PBX1: variants seen among roughly 807,000 people sequenced by gnomAD.
The protein encoded by PBX1 is PBX homeobox 1, also known as pre-B-cell leukemia transcription factor 1.
A neutral mutation model predicts 53.4 loss-of-function variants in PBX1; 6 were observed. The observed-to-expected ratio is 0.11, with a 90% CI of 0.06 to 0.22. The LOEUF is 0.22. PBX1 is among the 10% of genes least tolerant of loss of function. The pLI, the probability that PBX1 is intolerant of heterozygous loss-of-function variation, is 1.00. For missense variants in PBX1, 251 were observed against 551.4 expected (o/e 0.46, Z 5.46); for synonymous variants, 204 against 212.3 (o/e 0.96, Z 0.34).
intron 2 of PBX1, among the ~76,000 whole-genome samples, chr1:164,655,667 T>C (rs967589376): frequency 6.6e-6 from 1 of 152,220 alleles, no homozygotes; most frequent in Non-Finnish European, 1.5e-5. Context: ...TGTTTGCTGA[T>C]CTGGAACTTC....
rs544750035 is a variant in PBX1, at chr1:164,867,065, A to C, written n.258-32123A>C. ...AAAGAGTCCACAGTGGAGATTAGAAAATTTATTAGACAATGTGACACAGAG... is the reference window on the plus strand; with the variant it reads ...AAAGAGTCCACAGTGGAGATTAGAACATTTATTAGACAATGTGACACAGAG... On this transcript the variant is annotated intron_variant and non_coding_transcript_variant, in intron 2 of 2. Coordinates refer to the PBX1 transcript ENST00000558796. 3.3e-5 allele frequency among the ~76,000 whole-genome samples: 5 copies of C among 152,298 alleles called. No homozygotes were observed. The East Asian group carries it at 9.7e-4, about 29-fold the overall frequency.
chr1:164,613,889 TCTC>T (rs1657100383), intron 2 of PBX1, among the ~76,000 whole-genome samples: 1 of 152,016 alleles, frequency 6.6e-6, no homozygotes, highest in Non-Finnish European at 1.5e-5. Context: ...TACTCTGTCT[TCTC>T]CTGGAACCTA....
intron 7 of PBX1, among the ~76,000 whole-genome samples, chr1:164,821,147 T>TA (rs765999193): frequency 6.6e-6 from 1 of 152,210 alleles, no homozygotes; most frequent in Non-Finnish European, 1.5e-5. Context: ...CCTTTGTTTT[T>TA]ATAGGATACC....
intron 2 of PBX1, among the ~76,000 whole-genome samples, chr1:164,604,953 A>G (rs990084573): frequency 1.3e-5 from 2 of 152,200 alleles, no homozygotes; most frequent in African/African-American, 4.8e-5. Flanking sequence ...TTTATTCCAT[A>G]GAGGTGGAGT....
rs1571302123 is a variant in PBX1, at chr1:164,730,519, C to T, written c.266-61975C>T. Among the ~76,000 whole-genome samples the T allele has an allele frequency of 3.3e-5, 5 of 152,312 alleles. No homozygotes were observed. In the South Asian group the frequency reaches 1.0e-3, roughly 32 times the overall value. Reference sequence around the variant, plus strand: ...TTGCAGGGAGGTATTCCCTCCTCTACCCTTTCGTCACAAGCCCCTCTCATT... The same window carrying T: ...TTGCAGGGAGGTATTCCCTCCTCTATCCTTTCGTCACAAGCCCCTCTCATT... On this transcript the variant is annotated intron_variant, in intron 2 of 8. Coordinates refer to ENST00000420696, the MANE Select transcript of PBX1 (RefSeq NM_002585.4).
chr1:164,605,857 C>A (rs1199291031), intron 2 of PBX1, among the ~76,000 whole-genome samples: 1 of 152,112 alleles, frequency 6.6e-6, no homozygotes, highest in African/African-American at 2.4e-5. Flanking sequence ...TCTGATGGTG[C>A]CTCTTTGTGG....
intron 1 of PBX1, among the ~76,000 whole-genome samples, chr1:164,562,217 A>G (rs2101685344): frequency 6.6e-6 from 1 of 152,254 alleles, no homozygotes; most frequent in Admixed American, 6.5e-5. Context: ...TCTGTTCTTC[A>G]TGAGGATGTG....
chr1:164,801,570 G>A (rs1669076022), intron 4 of PBX1, among the ~76,000 whole-genome samples: 1 of 152,088 alleles, frequency 6.6e-6, no homozygotes, highest in African/African-American at 2.4e-5. Flanking sequence ...TAATTCCAGT[G>A]TGCCCAGCTG....
At position 164,848,132 on chromosome 1, in the gene PBX1, A is replaced by T. The variant is rs939834124; in HGVS notation, c.*1456A>T. ...TTGAGGACCTGAGAATCATGGGGAA[A>T]GGGAAGGTAATGTTTTCATTGAAAT... On this transcript the variant is annotated 3_prime_UTR_variant, in exon 9 of 9. Coordinates refer to ENST00000420696, the MANE Select transcript of PBX1 (RefSeq NM_002585.4). The T allele has an allele frequency of 9.5e-7, 1 of 1,050,822 alleles. No individual in the cohort carries two copies. Among genetic ancestry groups the T allele is most frequent in the Non-Finnish European group, 1.1e-6 (1 of 870,280 alleles). 65.1% of individuals were successfully genotyped at this position (1,050,822 alleles called of 1,614,324 possible).
chr1:164,786,643 T>C (rs1259996303), intron 2 of PBX1, among the ~76,000 whole-genome samples: 1 of 151,684 alleles, frequency 6.6e-6, no homozygotes, highest in Non-Finnish European at 1.5e-5. Context: ...GTTTTCTTCT[T>C]GGCCAGAGTA....
At chr1:164,630,925 G>T (rs1357715958) in intron 2 of PBX1, 2 of 152,142 alleles carry the variant, frequency 1.3e-5, no homozygotes, top group Non-Finnish European at 2.9e-5. Context: ...TTACTGTAAA[G>T]CTAGCTTCAT....
intron 5 of PBX1, 112 bp downstream of exon 5, chr1:164,807,789 G>A: frequency 1.6e-6 from 2 of 1,225,670 alleles, no homozygotes; most frequent in Non-Finnish European, 2.3e-6. Context: ...AGTTCCATCA[G>A]CTATAGCCTT....
intron 2 of PBX1, among the ~76,000 whole-genome samples, chr1:164,609,614 C>T (rs1048101991): frequency 6.6e-6 from 1 of 152,092 alleles, no homozygotes; most frequent in African/African-American, 2.4e-5. Context: ...TCGGCTTCTT[C>T]TAGAGTACTA....
chr1:164,706,067 T>C (rs1663407509), intron 2 of PBX1, among the ~76,000 whole-genome samples: 1 of 152,318 alleles, frequency 6.6e-6, no homozygotes, highest in Admixed American at 6.5e-5. Flanking sequence ...AAAAAAAATC[T>C]AGACACTTGT....
intron 8 of PBX1, among the ~76,000 whole-genome samples, chr1:164,844,070 A>G (rs6693637): frequency 0.3 from 43,938 of 148,894 alleles, 6,953 homozygotes; most frequent in African/African-American, 0.4. Context: ...ATTTTATACC[A>G]GGGTGATTCT....
At chr1:164,787,960 G>A (rs1225348463) in intron 2 of PBX1, among the ~76,000 whole-genome samples, 2 of 152,160 alleles carry the variant, frequency 1.3e-5, no homozygotes, top group Non-Finnish European at 1.5e-5. Flanking sequence ...GACATTTTTC[G>A]GGTAGTGGAC....
intron 2 of PBX1, among the ~76,000 whole-genome samples, chr1:164,729,130 G>T (rs575943337): frequency 6.6e-6 from 1 of 152,270 alleles, no homozygotes; most frequent in South Asian, 2.1e-4. Flanking sequence ...GCAGCATCCA[G>T]GAATACTTGG....
chr1:164,589,870 GA>G (rs1655238005), intron 2 of PBX1, among the ~76,000 whole-genome samples: 1 of 152,200 alleles, frequency 6.6e-6, no homozygotes, highest in Non-Finnish European at 1.5e-5. Flanking sequence ...GTTTGTCAGA[GA>G]AAAATAAATA....
chr1:164,783,265 G>A (rs1668016396), intron 2 of PBX1, among the ~76,000 whole-genome samples: 1 of 151,866 alleles, frequency 6.6e-6, no homozygotes. Context: ...GAGGAGAAAA[G>A]ATGAGAGAAA....
Sources: allele counts gnomAD v4.1 joint callset (sites outside exome capture counted in the v4.1 genomes callset), GRCh38; gene constraint gnomAD v4.1.1; transcripts MANE v1.5; gene names NCBI Gene and HGNC (gene_info 2026-07-23, HGNC 2026-07-21).